CTNNA3: variants seen among roughly 807,000 people sequenced by gnomAD.
CTNNA3 encodes catenin alpha 3.
A neutral mutation model predicts 95.7 loss-of-function variants in CTNNA3; 76 were observed. That is an observed-to-expected ratio of 0.79 (90% CI 0.66 to 0.96). The LOEUF (loss-of-function observed/expected upper bound fraction) is 0.96, where lower values mean the gene tolerates loss of function less well. Ranked by LOEUF, CTNNA3 falls within the 40% of genes least tolerant of loss-of-function variation. The pLI, the probability that CTNNA3 is intolerant of heterozygous loss-of-function variation, is 0.00. For synonymous variants in CTNNA3, 431 were observed against 374.4 expected (o/e 1.15, Z -1.74); for missense variants, 1,191 against 1,089.8 (o/e 1.09, Z -1.31).
chr10:67,354,925 G>A (rs1376939718), intron 5 of CTNNA3, among the ~76,000 whole-genome samples: 1 of 151,798 alleles, frequency 6.6e-6, no homozygotes, highest in Non-Finnish European at 1.5e-5. Context: ...AGGAATGAAG[G>A]GTTTCCTACA....
At chr10:67,305,073 A>C (rs370318125) in intron 5 of CTNNA3, among the ~76,000 whole-genome samples, 4 of 152,212 alleles carry the variant, frequency 2.6e-5, no homozygotes, top group East Asian at 3.9e-4. Context: ...TCAGGAGATC[A>C]AGACCATCCT....
intron 11 of CTNNA3, among the ~76,000 whole-genome samples, chr10:66,514,475 T>G (rs369805311): frequency 6.6e-6 from 1 of 152,200 alleles, no homozygotes; most frequent in Admixed American, 6.5e-5. Context: ...GTCAATGTGA[T>G]ATTATAATCA....
intron 7 of CTNNA3, among the ~76,000 whole-genome samples, chr10:67,026,938 A>G (rs1853427606): frequency 6.6e-6 from 1 of 152,216 alleles, no homozygotes; most frequent in African/African-American, 2.4e-5. Flanking sequence ...TAGAAGAGGG[A>G]TCATGCCTTC....
chr10:67,276,651 C>T (rs1165820922), intron 5 of CTNNA3, among the ~76,000 whole-genome samples: 1 of 151,958 alleles, frequency 6.6e-6, no homozygotes, highest in Non-Finnish European at 1.5e-5. Flanking sequence ...ATGGTTGATA[C>T]ATTTGCCGAT....
chr10:66,207,797 T>C (rs1187590436), intron 13 of CTNNA3, among the ~76,000 whole-genome samples: 2 of 152,076 alleles, frequency 1.3e-5, no homozygotes, highest in Admixed American at 6.6e-5. Flanking sequence ...GGTCTTGTTG[T>C]TCTATTGTGC....
At chr10:67,168,306 C>A (rs1861870126) in intron 7 of CTNNA3, among the ~76,000 whole-genome samples, 1 of 151,994 alleles carries the variant, frequency 6.6e-6, no homozygotes, top group Non-Finnish European at 1.5e-5. Flanking sequence ...ATCTGGATAC[C>A]AAAACCTAGC....
rs530832630 is a variant in CTNNA3, at chr10:67,434,575, ATG to A, written c.579+87265_579+87266del. Among the ~76,000 whole-genome samples the A allele has an allele frequency of 2.2e-4, 34 of 152,016 alleles. 1 individual carries two copies. Among genetic ancestry groups the A allele is most frequent in the Admixed American group, 1.1e-3 (16 of 15,224 alleles). The stretch of plus-strand genomic sequence containing the variant: ...CTCAGGCGGTGCTATATATCCATAT[ATG>A]TGTGTGTCTGTGTGTATATGTTTAA... On this transcript the variant is annotated intron_variant, in intron 5 of 17. Coordinates refer to ENST00000433211, the MANE Select transcript of CTNNA3 (RefSeq NM_013266.4).
At chr10:67,582,093 T>C (rs1292567526) in intron 3 of CTNNA3, among the ~76,000 whole-genome samples, 1 of 148,392 alleles carries the variant, frequency 6.7e-6, no homozygotes, top group African/African-American at 2.5e-5. Flanking sequence ...ATTTCTTGCT[T>C]TCTGCTAGCG....
intron 6 of CTNNA3, among the ~76,000 whole-genome samples, chr10:67,181,595 A>G (rs1589831273): frequency 6.6e-6 from 1 of 152,116 alleles, no homozygotes; most frequent in African/African-American, 2.4e-5. Flanking sequence ...CTAGTATATA[A>G]TCTTATGTAT....
chr10:66,905,169 C>A (rs1350743674), intron 7 of CTNNA3, among the ~76,000 whole-genome samples: 1 of 152,172 alleles, frequency 6.6e-6, no homozygotes, highest in African/African-American at 2.4e-5. Context: ...GGCACATATA[C>A]ACCATGGAAT....
chr10:66,884,604 T>A (rs1176308652), intron 7 of CTNNA3, among the ~76,000 whole-genome samples: 2 of 152,130 alleles, frequency 1.3e-5, no homozygotes, highest in East Asian at 3.9e-4. Context: ...CCAGTCAATG[T>A]CTTGACAGCA....
chr10:66,939,295 A>G (rs1177441035), intron 7 of CTNNA3, among the ~76,000 whole-genome samples: 1 of 151,988 alleles, frequency 6.6e-6, no homozygotes, highest in African/African-American at 2.4e-5. Context: ...CCTTTGCACT[A>G]CATTTCTTTT....
intron 6 of CTNNA3, among the ~76,000 whole-genome samples, chr10:67,207,474 C>G (rs1863954333): frequency 6.6e-6 from 1 of 152,132 alleles, no homozygotes; most frequent in South Asian, 2.1e-4. Flanking sequence ...CACAGACACC[C>G]TGAATTCTAC....
chr10:66,401,648 C>A (rs2093022472), intron 11 of CTNNA3, among the ~76,000 whole-genome samples: 1 of 147,096 alleles, frequency 6.8e-6, no homozygotes, highest in Non-Finnish European at 1.5e-5. Context: ...TTAAATTATT[C>A]CATTTCTTTC....
At chr10:66,874,919 C>T (rs1916371) in intron 7 of CTNNA3, among the ~76,000 whole-genome samples, 113,906 of 152,098 alleles carry the variant, frequency 0.75, 44,001 homozygotes, top group South Asian at 0.85. Flanking sequence ...ACTTCTGCCT[C>T]CATTTGGCTT....
At chr10:67,219,475 A>C in intron 6 of CTNNA3, 132 bp downstream of exon 6, 1 of 934,906 alleles carries the variant, frequency 1.1e-6, no homozygotes, top group Non-Finnish European at 1.6e-6. Context: ...AGACTCAAGA[A>C]GGTGATAGAG....
At chr10:66,911,097 T>C (rs1173741009) in intron 7 of CTNNA3, among the ~76,000 whole-genome samples, 3 of 152,192 alleles carry the variant, frequency 2.0e-5, no homozygotes, top group African/African-American at 4.8e-5. Context: ...GGAAGATAGA[T>C]TATGTGTGCT....
chr10:66,656,078 G>A (rs1846065465), intron 9 of CTNNA3, among the ~76,000 whole-genome samples: 1 of 152,026 alleles, frequency 6.6e-6, no homozygotes, highest in East Asian at 1.9e-4. Flanking sequence ...ATTATTTTCA[G>A]TGTTCTAATG....
intron 5 of CTNNA3, among the ~76,000 whole-genome samples, chr10:67,411,468 C>T (rs914850921): frequency 6.6e-6 from 1 of 152,038 alleles, no homozygotes; most frequent in African/African-American, 2.4e-5. Context: ...TTTTCAGTAA[C>T]TTGGCTCTGT....
Sources: allele counts gnomAD v4.1 joint callset (sites outside exome capture counted in the v4.1 genomes callset), GRCh38; gene constraint gnomAD v4.1.1; transcripts MANE v1.5; gene names NCBI Gene and HGNC (gene_info 2026-07-23, HGNC 2026-07-21).